The following TENM3 variants were observed in gnomAD, a reference collection of about 807,000 sequenced individuals.
TENM3 encodes teneurin-3.
TENM3 carries 63 observed loss-of-function variants against 255.1 expected under a neutral mutation model. That is an observed-to-expected ratio of 0.25 (90% CI 0.20 to 0.30). TENM3 has a LOEUF of 0.30. TENM3 is among the 10% of genes least tolerant of loss of function. The probability of loss-of-function intolerance (pLI) is 1.00; values close to 1 mark genes in which losing one functional copy is unlikely to be tolerated. For missense variants in TENM3, 2,929 were observed against 3,461.1 expected (o/e 0.85, Z 3.86); for synonymous variants, 1,306 against 1,322.3 (o/e 0.99, Z 0.27).
At chr4:182,300,524 G>A (rs1483925619) in intron 1 of TENM3, among the ~76,000 whole-genome samples, 1 of 152,176 alleles carries the variant, frequency 6.6e-6, no homozygotes, top group Admixed American at 6.5e-5. Flanking sequence ...CCACTGACTG[G>A]AGTGGACACC....
chr4:181,647,856 G>C, the TENM3 span, among the ~76,000 whole-genome samples: 9 of 152,160 alleles, frequency 5.9e-5, no homozygotes, highest in African/African-American at 2.2e-4. Context: ...GAGGGAAATA[G>C]GCTCTGAACA....
At chr4:182,567,275 C>T (rs1401688862) in intron 3 of TENM3, among the ~76,000 whole-genome samples, 4 of 152,154 alleles carry the variant, frequency 2.6e-5, no homozygotes, top group Non-Finnish European at 5.9e-5. Flanking sequence ...AGCACACTAG[C>T]CTTAGTCACC....
chr4:181,914,348 C>A, the TENM3 span, among the ~76,000 whole-genome samples: 2 of 152,210 alleles, frequency 1.3e-5, no homozygotes, highest in Admixed American at 6.5e-5. Context: ...TCTCAGGTAT[C>A]TCCTCCTGTG....
At chr4:182,117,600 A>G in the TENM3 span, among the ~76,000 whole-genome samples, 2 of 152,158 alleles carry the variant, frequency 1.3e-5, no homozygotes, top group African/African-American at 2.4e-5. Context: ...GAAGATCAGC[A>G]AGCTATAGTT....
chr4:182,105,681 C>T, the TENM3 span, among the ~76,000 whole-genome samples: 5 of 152,162 alleles, frequency 3.3e-5, no homozygotes, highest in Admixed American at 6.5e-5. Context: ...CTACATAGAG[C>T]GTTGCCAACC....
At chr4:181,635,580 A>G in the TENM3 span, among the ~76,000 whole-genome samples, 281 of 152,278 alleles carry the variant, frequency 1.8e-3, no homozygotes, top group Non-Finnish European at 3.2e-3. Flanking sequence ...CTTCCATAAG[A>G]CAGTGGTTGT....
rs145466086 is a variant in TENM3, at chr4:182,702,206, C to CA, written c.2222-11880dup. Among the ~76,000 whole-genome samples the CA allele has an allele frequency of 1.0e-2, 1,521 of 152,232 alleles. 29 individuals carry two copies. Among genetic ancestry groups the CA allele is most frequent in the African/African-American group, 0.034 (1,416 of 41,540 alleles). On this transcript the variant is annotated intron_variant, in intron 12 of 27. Transcript: ENST00000511685. The stretch of plus-strand genomic sequence containing the variant: ...GTTGACCAGGAATTGTGCATCTAAC[C>CA]AGCAGAGGGTTTGTGAGAGACAAGG...
intron 1 of TENM3, among the ~76,000 whole-genome samples, chr4:182,308,321 G>GTT (rs58934336): frequency 6.1e-5 from 9 of 147,040 alleles, no homozygotes; most frequent in South Asian, 2.2e-4. Context: ...CACATATTTG[G>GTT]TTTTTTTTTT....
chr4:182,760,672 T>C (rs375363043), intron 22 of TENM3, among the ~76,000 whole-genome samples: 5 of 152,200 alleles, frequency 3.3e-5, no homozygotes, highest in African/African-American at 1.2e-4. Context: ...TTACACATTA[T>C]GTAGGTATAT....
chr4:182,063,353 AAG>A, the TENM3 span, among the ~76,000 whole-genome samples: 47 of 152,336 alleles, frequency 3.1e-4, 1 homozygote, highest in African/African-American at 1.1e-3. Context: ...TCAGGAGAAT[AAG>A]AGGCTTAAAA....
At chr4:182,229,971 G>C (rs945743596) in intron 1 of TENM3, among the ~76,000 whole-genome samples, 2 of 152,044 alleles carry the variant, frequency 1.3e-5, no homozygotes, top group Non-Finnish European at 2.9e-5. Context: ...TATTCATTGT[G>C]GTTGGTAGTA....
At chr4:182,179,797 A>G in intron 1 of TENM3, among the ~76,000 whole-genome samples, 1 of 152,242 alleles carries the variant, frequency 6.6e-6, no homozygotes, top group East Asian at 1.9e-4. Context: ...TATGTTTGAA[A>G]TATAAGTCAA....
At chr4:181,620,744 G>A in the TENM3 span, among the ~76,000 whole-genome samples, 45 of 151,798 alleles carry the variant, frequency 3.0e-4, 1 homozygote, top group South Asian at 9.2e-3. Context: ...TATTTGTTAA[G>A]TAGAAAAAAA....
chr4:182,076,565 A>G, the TENM3 span, among the ~76,000 whole-genome samples: 1 of 152,072 alleles, frequency 6.6e-6, no homozygotes, highest in African/African-American at 2.4e-5. Flanking sequence ...TCACTCACAT[A>G]TCCTTTCTTC....
the TENM3 span, among the ~76,000 whole-genome samples, chr4:181,477,581 A>G: frequency 6.6e-6 from 1 of 152,150 alleles, no homozygotes; most frequent in Non-Finnish European, 1.5e-5. Context: ...CAAATATTCG[A>G]GGTCACCCAA....
chr4:182,656,850 A>T (rs184478437), intron 6 of TENM3, among the ~76,000 whole-genome samples: 2 of 152,334 alleles, frequency 1.3e-5, no homozygotes, highest in Non-Finnish European at 2.9e-5. Context: ...AATGGTATTT[A>T]GTATCTAAAA....
intron 1 of TENM3, among the ~76,000 whole-genome samples, chr4:182,290,269 A>G (rs1221131423): frequency 6.6e-6 from 1 of 151,974 alleles, no homozygotes. Flanking sequence ...CACTTTACCT[A>G]CTTCCTCCCC....
chr4:181,943,442 C>A, the TENM3 span, among the ~76,000 whole-genome samples: 2 of 152,138 alleles, frequency 1.3e-5, no homozygotes, highest in African/African-American at 4.8e-5. Context: ...AAAGATTATT[C>A]TTCCAGCATT....
At chr4:182,435,950 AAG>A (rs985157315) in intron 3 of TENM3, among the ~76,000 whole-genome samples, 6 of 152,134 alleles carry the variant, frequency 3.9e-5, no homozygotes, top group African/African-American at 1.4e-4. Context: ...AGAAAAAAAA[AAG>A]AAATGGCATA....
Sources: gnomAD v4.1 joint callset for allele counts (sites outside exome capture counted in the v4.1 genomes callset) on GRCh38, gnomAD v4.1.1 for gene constraint, MANE v1.5 for transcripts, NCBI Gene and HGNC (gene_info 2026-07-23, HGNC 2026-07-21) for gene names.